The following LRP1 variants were observed in gnomAD, a reference collection of about 807,000 sequenced individuals.
LRP1 encodes LDL receptor related protein 1.
LRP1 carries 51 observed loss-of-function variants against 541.5 expected under a neutral mutation model. That is an observed-to-expected ratio of 0.09 (90% CI 0.08 to 0.12). The LOEUF is 0.12. Ranked by LOEUF, LRP1 falls within the 10% of genes least tolerant of loss-of-function variation. The pLI is 1.00. For synonymous variants in LRP1, 2,219 were observed against 2,470.8 expected, an observed-to-expected ratio of 0.90 and a Z score of 3.02; for missense variants, 3,878 against 6,376.2, an observed-to-expected ratio of 0.61 and a Z score of 13.34.
At chr12:57,139,526 C>T (rs551599467) in intron 2 of LRP1, among the ~76,000 whole-genome samples, 1 of 152,216 alleles carries the variant, frequency 6.6e-6, no homozygotes, top group African/African-American at 2.4e-5. Context: ...GATGCTTGGG[C>T]GTTAGAAGTA....
chr12:57,181,093 C>T (rs1771213087), intron 33 of LRP1, 64 bp from the exon 34 acceptor site: 1 of 1,575,852 alleles, frequency 6.3e-7, no homozygotes, highest in African/African-American at 1.3e-5. Context: ...GCAGCCCAAG[C>T]CTGACCCTGA....
At chr12:57,196,907 T>C (rs1447128513) in intron 55 of LRP1, 75 bp from the exon 56 acceptor site, 28 of 1,305,120 alleles carry the variant, frequency 2.1e-5, no homozygotes, top group Non-Finnish European at 3.0e-5. Flanking sequence ...GGAATTGGAG[T>C]CTCTGAGCCA....
intron 3 of LRP1, among the ~76,000 whole-genome samples, chr12:57,142,457 T>G (rs1014770255): frequency 6.6e-6 from 1 of 152,028 alleles, no homozygotes; most frequent in Non-Finnish European, 1.5e-5. Context: ...AAGGAGTTTG[T>G]GGAAGATTTT....
Position 57,128,940 on chromosome 12 carries a change from G to A in LRP1, c.-25G>A, listed in dbSNP as rs939393095. 1.9e-6 allele frequency: 3 copies of A among 1,538,684 alleles called. No individual in the cohort carries two copies. The highest frequency in any genetic ancestry group is 2.4e-5 in the South Asian group (2 of 83,528). ...AAGTAGCAGGACCAGAGGGGAAGGG[G>A]CTGCTGCTTGCATCAGCCCACACCA... On this transcript the variant is annotated 5_prime_UTR_variant, in exon 1 of 89. Transcript: ENST00000243077.
Position 57,213,351 on chromosome 12 carries a change from A to C in LRP1, c.*796A>C, listed in dbSNP as rs1178615103. On this transcript the variant is annotated 3_prime_UTR_variant, in exon 89 of 89. Transcript: ENST00000243077. ...TATAAATAAAATTGTAAAAAAAAAA[A>C]AAAAAAAAAAGGCCAAAAAAAAAAA... The C allele has an allele frequency of 1.2e-4, 11 of 90,438 alleles. No individual in the cohort carries two copies. Among genetic ancestry groups the C allele is most frequent in the African/African-American group, 4.3e-4 (11 of 25,318 alleles). 5.6% of individuals were successfully genotyped at this position (90,438 alleles called of 1,614,324 possible).
chr12:57,176,143 G>C (rs375787122), intron 24 of LRP1, 37 bp downstream of exon 24: 2 of 1,609,376 alleles, frequency 1.2e-6, no homozygotes, highest in Non-Finnish European at 1.7e-6. Context: ...ATGCACACAG[G>C]CGGAGCGCTC....
Position 57,156,743 on chromosome 12 carries a change from G to A in LRP1, c.1418-34G>A. ...TCTCAAGGCCTGGCACAGGGGCTCT[G>A]AGGGGTCCTAACAGCTCTTCACCCT... is the stretch of plus-strand genomic sequence containing the variant. On this transcript the variant is annotated intron_variant, in intron 9 of 88. Transcript: ENST00000243077. This position sits in a 1 kb window ranked among gnomAD's most constrained non-coding sequence, Gnocchi z 5.2. The A allele has an allele frequency of 6.3e-7, 1 of 1,577,934 alleles. No homozygotes were observed. The highest frequency in any genetic ancestry group is 8.7e-7 in the Non-Finnish European group (1 of 1,154,678).
chr12:57,179,159 G>A lies in LRP1; in HGVS notation c.4738+138G>A. On this transcript the variant is annotated intron_variant, in intron 28 of 88. Coordinates refer to ENST00000243077, the MANE Select transcript of LRP1 (RefSeq NM_002332.3). The surrounding 1 kb of genome is among the most constrained non-coding windows in gnomAD (Gnocchi z 6.8). Reference sequence around the variant, plus strand: ...AGGAGAGGCTCCAGAGACAGCCACTGTGAGAAGGGGCTGCAGGTCTGCCAG... The same window carrying A: ...AGGAGAGGCTCCAGAGACAGCCACTATGAGAAGGGGCTGCAGGTCTGCCAG... 7.6e-7 allele frequency: 1 copy of A among 1,314,464 alleles called. No individual in the cohort carries two copies. Among genetic ancestry groups the A allele is most frequent in the Non-Finnish European group, 1.0e-6 (1 of 963,002 alleles). 81.4% of individuals were successfully genotyped at this position (1,314,464 alleles called of 1,614,324 possible).
intron 11 of LRP1, among the ~76,000 whole-genome samples, chr12:57,159,095 G>T (rs1205005727): frequency 6.6e-6 from 1 of 152,222 alleles, no homozygotes; most frequent in African/African-American, 2.4e-5. Context: ...TTGCATCCAG[G>T]TCTTCCCTCT....
At chr12:57,167,384 C>T in intron 18 of LRP1, 60 bp from the exon 19 acceptor site, 1 of 1,246,500 alleles carries the variant, frequency 8.0e-7, no homozygotes, top group South Asian at 1.2e-5. Context: ...CTCACCTGCC[C>T]AGTACTGTGA....
intron 4 of LRP1, 35 bp from the exon 5 acceptor site, chr12:57,144,937 T>G: frequency 6.2e-7 from 1 of 1,606,292 alleles, no homozygotes; most frequent in Non-Finnish European, 8.5e-7. Context: ...CTTGTCACAC[T>G]GGAAATGACC....
At position 57,189,130 on chromosome 12, in the gene LRP1, A is replaced by G. The variant is rs1592644835; in HGVS notation, c.7031+1674A>G. 6.6e-6 allele frequency among the ~76,000 whole-genome samples: 1 copy of G among 152,172 alleles called. No homozygotes were observed. The highest frequency in any genetic ancestry group is 1.9e-4 in the East Asian group (1 of 5,188). ...TAGAAGGTCCGCCATGTTCCTGGAC[A>G]CTGAGCACCTACCCCAGGAAAGCCT... On this transcript the variant is annotated intron_variant, in intron 42 of 88. Transcript: ENST00000243077. The surrounding 1 kb of genome is among the most constrained non-coding windows in gnomAD (Gnocchi z 4.4).
chr12:57,131,608 G>T (rs1300492538), intron 1 of LRP1, among the ~76,000 whole-genome samples: 1 of 152,154 alleles, frequency 6.6e-6, no homozygotes, highest in African/African-American at 2.4e-5. Context: ...CTTTCTCCCT[G>T]ATCAGACTCA....
At position 57,183,318 on chromosome 12, in the gene LRP1, C is replaced by T. The variant is rs2036205020; in HGVS notation, c.5663-61C>T. ...GAAGCAGAGAACAGTTGGAGGGTGA[C>T]AGGAACCAAGTTTAAGGGAGTGTTG... On this transcript the variant is annotated intron_variant, in intron 34 of 88. Transcript: ENST00000243077. This position sits in a 1 kb window ranked among gnomAD's most constrained non-coding sequence, Gnocchi z 6.1. 1.3e-6 allele frequency: 2 copies of T among 1,553,444 alleles called. No individual in the cohort carries two copies. The highest frequency in any genetic ancestry group is 4.5e-5 in the East Asian group (2 of 44,074).
In LRP1 at chr12:57,191,087, C is replaced by A. The variant is rs900849763; in HGVS notation, c.7236+78C>A. The A allele has an allele frequency of 2.8e-6, 4 of 1,438,768 alleles. No homozygotes were observed. In the African/African-American group the frequency reaches 4.2e-5, roughly 15 times the overall value. 89.1% of individuals were successfully genotyped at this position (1,438,768 alleles called of 1,614,324 possible). ...AGGGTCAGCCGTCAACCAAGACCGTCCAGGCACAGACATGGTGGGAACAGC... is the reference window on the plus strand; with the variant it reads ...AGGGTCAGCCGTCAACCAAGACCGTACAGGCACAGACATGGTGGGAACAGC... On this transcript the variant is annotated intron_variant, in intron 43 of 88. Transcript: ENST00000243077.
chr12:57,193,467 G>A (rs896607383), intron 46 of LRP1, 99 bp from the exon 47 acceptor site: 65 of 1,535,598 alleles, frequency 4.2e-5, no homozygotes, highest in Middle Eastern at 1.9e-4. Flanking sequence ...TGGGCCTTTG[G>A]GTTTGGGGGT....
In LRP1 at chr12:57,180,728, C is replaced by T. The variant is rs757521900; in HGVS notation, c.5448C>T (p.Asp1816=). Residue 1816 remains aspartate, a synonymous_variant, in exon 33 of 89, where the codon GAC becomes GAT. Transcript: ENST00000243077. ...SEKMGTCSKA[D]GSGSVVLRNS... ...AGATGGGCACATGCAGCAAGGCTGA[C>T]GGCTCGGGCTCCGTGGTCCTTCGGA... 46 of 1,613,962 alleles carry T rather than the reference C, an allele frequency of 2.9e-5. No individual in the cohort carries two copies. Among genetic ancestry groups the T allele is most frequent in the Middle Eastern group, 1.6e-4 (1 of 6,084 alleles).
Position 57,211,522 on chromosome 12 carries a change from C to A in LRP1, c.13127C>A (p.Thr4376Asn), listed in dbSNP as rs1188663563. The change falls in exon 85 of 89, where the codon ACC becomes AAC. Residue 4376 changes from threonine (T) to asparagine (N), a missense_variant. Thr to Asn is a moderately conservative substitution (Grantham distance 65, BLOSUM62 0). Around this residue, in one of 13 missense-constraint regions of LRP1, gnomAD observed 871 missense variants for 1,212.4 expected, o/e 0.72. Coordinates refer to ENST00000243077, the MANE Select transcript of LRP1 (RefSeq NM_002332.3). The surrounding 1 kb of genome is among the most constrained non-coding windows in gnomAD (Gnocchi z 4.3). ...GGCCGGGTGGCCCCCAGCTGTCTGA[C>A]CTGCGTCGGCCACTGCAGCAATGGC... ...TDGRVAPSCLTCVGHCSNGGS... is the reference protein window; with the variant it reads ...TDGRVAPSCLNCVGHCSNGGS... The A allele has an allele frequency of 3.1e-6, 5 of 1,614,036 alleles. No individual in the cohort carries two copies. The highest frequency in any genetic ancestry group is 1.7e-5 in the Admixed American group (1 of 60,026).
At chr12:57,130,057 T>G (rs2035006726) in intron 1 of LRP1, among the ~76,000 whole-genome samples, 1 of 152,184 alleles carries the variant, frequency 6.6e-6, no homozygotes, top group African/African-American at 2.4e-5. Context: ...TTTTGTCAGC[T>G]GTTTTTTTCT....
Sources: allele counts gnomAD v4.1 joint callset (sites outside exome capture counted in the v4.1 genomes callset), GRCh38; gene constraint gnomAD v4.1.1; regional missense constraint gnomAD v4.1.1; non-coding constraint Gnocchi (gnomAD v3.1); transcripts MANE v1.5; gene names NCBI Gene and HGNC (gene_info 2026-07-23, HGNC 2026-07-21).